Variants in UHMK1 observed in about 807,000 individuals in gnomAD.
The protein encoded by UHMK1 is serine/threonine-protein kinase Kist.
A neutral mutation model predicts 44.0 loss-of-function variants in UHMK1; 18 were observed. The observed-to-expected ratio is 0.41, with a 90% CI of 0.28 to 0.61. The LOEUF (loss-of-function observed/expected upper bound fraction) is 0.61, where lower values mean the gene tolerates loss of function less well. Among genes scored for constraint, UHMK1 ranks in the 20% least tolerant of loss-of-function variants. The probability of loss-of-function intolerance (pLI) is 0.31; values close to 1 mark genes in which losing one functional copy is unlikely to be tolerated. For synonymous variants in UHMK1, 231 were observed against 198.5 expected, an observed-to-expected ratio of 1.16 and a Z score of -1.38; for missense variants, 463 against 522.5, an observed-to-expected ratio of 0.89 and a Z score of 1.11.
chr1:162,510,668 T>A (rs1276650446), intron 4 of UHMK1, among the ~76,000 whole-genome samples: 1 of 151,814 alleles, frequency 6.6e-6, no homozygotes, highest in African/African-American at 2.4e-5. Context: ...ATCTGTTTTT[T>A]AATTTTTTTT....
Position 162,522,645 on chromosome 1 carries a change from G to A in UHMK1, c.*95G>A. The A allele has an allele frequency of 7.5e-7, 1 of 1,340,170 alleles. No individual in the cohort carries two copies. Among genetic ancestry groups the A allele is most frequent in the South Asian group, 1.4e-5 (1 of 70,124 alleles). 83.0% of individuals were successfully genotyped at this position (1,340,170 alleles called of 1,614,324 possible). A position where few individuals can be genotyped will look rare whatever the true frequency, so the allele number is the denominator to read the frequency against. On this transcript the variant is annotated 3_prime_UTR_variant, in exon 8 of 8. Transcript: ENST00000489294. Reference sequence around the variant, plus strand: ...GACTACCCCCTTACCATTTTAAGAAGGTACTTTATACATTTATTTAATCCT... The same window carrying A: ...GACTACCCCCTTACCATTTTAAGAAAGTACTTTATACATTTATTTAATCCT...
In UHMK1 at chr1:162,526,899, A is replaced by C. The variant is rs532048894; in HGVS notation, c.*4349A>C. ...TGTGATATAATTTCATTTCTTGTCA[A>C]TTATGGTCACATATAGACAAGTACT... is the stretch of plus-strand genomic sequence containing the variant. On this transcript the variant is annotated 3_prime_UTR_variant, in exon 8 of 8. Coordinates refer to ENST00000489294, the MANE Select transcript of UHMK1 (RefSeq NM_175866.5). 1 of 152,116 alleles carries C rather than the reference A, an allele frequency of 6.6e-6. No homozygotes were observed. Among genetic ancestry groups the C allele is most frequent in the Non-Finnish European group, 1.5e-5 (1 of 67,968 alleles). The allele number at this position is 152,116 out of a possible 1,614,324, so 9.4% of individuals were successfully genotyped here. A position where few individuals can be genotyped will look rare whatever the true frequency, so the allele number is the denominator to read the frequency against.
At chr1:162,509,140 TAAAG>T (rs940931488) in intron 4 of UHMK1, among the ~76,000 whole-genome samples, 1 of 152,190 alleles carries the variant, frequency 6.6e-6, no homozygotes, top group South Asian at 2.1e-4. Flanking sequence ...TTCCTAAACT[TAAAG>T]AAAATATACT....
chr1:162,499,969 G>A lies in UHMK1; in HGVS notation c.283G>A (p.Val95Met). Residue 95 changes from valine to methionine, a missense_variant, in exon 2 of 8, where the codon GTG becomes ATG. Around this residue, in one of 3 missense-constraint regions of UHMK1, gnomAD observed 191 missense variants for 176.0 expected, o/e 1.09. Transcript: ENST00000489294. ...GHRNIVTLYG[V>M]FTIHFSPNVP... ...TCTTTTTCTAGTGACTTTGTATGGA[G>A]TGTTTACAATCCACTTTTCTCCAAA... 1 of 1,614,174 alleles carries A rather than the reference G, an allele frequency of 6.2e-7. No individual in the cohort carries two copies. The highest frequency in any genetic ancestry group is 8.5e-7 in the Non-Finnish European group (1 of 1,180,032).
At position 162,507,904 on chromosome 1, in the gene UHMK1, AT is replaced by A. The variant is rs376405617; in HGVS notation, c.848+4057del. On this transcript the variant is annotated intron_variant, in intron 4 of 7. Coordinates refer to ENST00000489294, the MANE Select transcript of UHMK1 (RefSeq NM_175866.5). ...CCCCGCCTCTTTTTTATTTTTAAAA[AT>A]ATCCTCCTTTTTGCCTACTCTTTAA... Among the ~76,000 whole-genome samples the A allele has an allele frequency of 2.8e-3, 432 of 152,138 alleles. 3 individuals are homozygous for A. The highest frequency in any genetic ancestry group is 4.5e-3 in the Non-Finnish European group (304 of 67,966).
chr1:162,510,887 A>C (rs1459748196), intron 4 of UHMK1, among the ~76,000 whole-genome samples: 1 of 151,814 alleles, frequency 6.6e-6, no homozygotes, highest in Non-Finnish European at 1.5e-5. Context: ...CCTCCATACT[A>C]CTTTCCATAA....
intron 4 of UHMK1, among the ~76,000 whole-genome samples, chr1:162,512,182 T>C (rs1651691381): frequency 6.6e-6 from 1 of 151,628 alleles, no homozygotes; most frequent in African/African-American, 2.4e-5. Flanking sequence ...CCCACCGATA[T>C]CTTTTTTTTT....
chr1:162,503,730 G>T (rs540421142), intron 3 of UHMK1, 24 bp from the exon 4 acceptor site: 1 of 1,598,014 alleles, frequency 6.3e-7, no homozygotes, highest in Non-Finnish European at 8.6e-7. Context: ...ATAACCAAAG[G>T]AAAACTTTTC....
rs1471359089 is a variant in UHMK1 at position 162,526,166 on chromosome 1, A to C, written c.*3616A>C. ...TTTCATGGCTTGTTTTAGTTAATTT[A>C]TCATGCAGATAACTAACATTTGGGT... On this transcript the variant is annotated 3_prime_UTR_variant, in exon 8 of 8. Transcript: ENST00000489294. 3 of 152,016 alleles carry C rather than the reference A, an allele frequency of 2.0e-5. No homozygotes were observed. The highest frequency in any genetic ancestry group is 6.6e-5 in the Admixed American group (1 of 15,240). The allele number at this position is 152,016 out of a possible 1,614,324, so 9.4% of individuals were successfully genotyped here.
At chr1:162,512,156 G>T (rs2101678985) in intron 4 of UHMK1, among the ~76,000 whole-genome samples, 1 of 150,018 alleles carries the variant, frequency 6.7e-6, no homozygotes, top group Admixed American at 6.7e-5. Flanking sequence ...GAAATTTGAT[G>T]AGATTCAACA....
chr1:162,498,358 C>T, intron 1 of UHMK1, 90 bp downstream of exon 1: 1 of 1,455,492 alleles, frequency 6.9e-7, no homozygotes, highest in South Asian at 1.4e-5. Context: ...TCTTCCTCCC[C>T]TTCTGCGGGA....
In UHMK1 at chr1:162,529,415, T is replaced by C. The variant is rs1295967326; in HGVS notation, c.*6865T>C. Reference sequence around the variant, plus strand: ...ATAGCAAAGAACTTTTATTTTCCACTTTCCTATATTCCTAAAAAGTGTGAA... The same window carrying C: ...ATAGCAAAGAACTTTTATTTTCCACCTTCCTATATTCCTAAAAAGTGTGAA... On this transcript the variant is annotated 3_prime_UTR_variant, in exon 8 of 8. Transcript: ENST00000489294. 1 of 152,204 alleles carries C rather than the reference T, an allele frequency of 6.6e-6. No homozygotes were observed. Among genetic ancestry groups the C allele is most frequent in the Non-Finnish European group, 1.5e-5 (1 of 68,018 alleles). 9.4% of individuals were successfully genotyped at this position (152,204 alleles called of 1,614,324 possible).
At chr1:162,503,071 C>T (rs1008063568) in intron 3 of UHMK1, among the ~76,000 whole-genome samples, 6 of 152,122 alleles carry the variant, frequency 3.9e-5, no homozygotes, top group Non-Finnish European at 1.5e-5. Flanking sequence ...TTTAATACTG[C>T]ATCATATTCG....
chr1:162,501,116 C>T lies in UHMK1; in HGVS notation c.753+12C>T. The T allele has an allele frequency of 6.2e-6, 10 of 1,612,398 alleles. No individual in the cohort carries two copies. The highest frequency in any genetic ancestry group is 8.5e-6 in the Non-Finnish European group (10 of 1,179,220). Reference sequence around the variant, plus strand: ...CTCAGGAATGGAAGGTAAACTTCACCAGTGCTTTGCTTTGGGGTCCTTACT... The same window carrying T: ...CTCAGGAATGGAAGGTAAACTTCACTAGTGCTTTGCTTTGGGGTCCTTACT... On this transcript the variant is annotated intron_variant, in intron 3 of 7. Coordinates refer to ENST00000489294, the MANE Select transcript of UHMK1 (RefSeq NM_175866.5).
intron 7 of UHMK1, among the ~76,000 whole-genome samples, chr1:162,520,707 T>A (rs1050229722): frequency 6.6e-6 from 1 of 152,150 alleles, no homozygotes. Flanking sequence ...GAAAGAAGAA[T>A]AGTAGGAGAT....
chr1:162,508,982 A>T (rs1342644967), intron 4 of UHMK1, among the ~76,000 whole-genome samples: 1 of 152,074 alleles, frequency 6.6e-6, no homozygotes, highest in Non-Finnish European at 1.5e-5. Context: ...ACAAAGTCAC[A>T]CTATGATGCC....
intron 3 of UHMK1, among the ~76,000 whole-genome samples, chr1:162,502,634 G>T (rs1465215891): frequency 6.6e-6 from 1 of 152,136 alleles, no homozygotes; most frequent in Non-Finnish European, 1.5e-5. Context: ...GAGGGGTGAT[G>T]TGTAGTAATG....
At chr1:162,509,021 G>A (rs1326474598) in intron 4 of UHMK1, among the ~76,000 whole-genome samples, 2 of 152,108 alleles carry the variant, frequency 1.3e-5, no homozygotes, top group African/African-American at 4.8e-5. Context: ...CTGGGCTCAA[G>A]TAATCCTCCT....
chr1:162,497,436 A>T (rs180742938), upstream of UHMK1: 972 of 544,490 alleles, frequency 1.8e-3, 6 homozygotes, highest in African/African-American at 0.017. Context: ...ATCTAAAAGA[A>T]GAACAAAGGT....
Sources: allele counts gnomAD v4.1 joint callset (sites outside exome capture counted in the v4.1 genomes callset), GRCh38; gene constraint gnomAD v4.1.1; regional missense constraint gnomAD v4.1.1; transcripts MANE v1.5; gene names NCBI Gene and HGNC (gene_info 2026-07-23, HGNC 2026-07-21).